Variants in CSMD1 observed in about 807,000 individuals in gnomAD.
The protein encoded by CSMD1 is CUB and sushi domain-containing protein 1.
Under a neutral mutation model 417.5 loss-of-function variants are expected in CSMD1, and 213 were observed. The observed-to-expected ratio is 0.51, with a 90% confidence interval of 0.46 to 0.57. The LOEUF (loss-of-function observed/expected upper bound fraction) is 0.57, where lower values mean the gene tolerates loss of function less well. Among genes scored for constraint, CSMD1 ranks in the 20% least tolerant of loss-of-function variants. The pLI is 0.00. For missense variants in CSMD1, 6,923 were observed against 4,529.7 expected (o/e 1.53, Z -15.17); for synonymous variants, 2,862 against 1,736.8 (o/e 1.65, Z -16.11).
At chr8:3,848,602 T>A (rs1206299883) in intron 5 of CSMD1, among the ~76,000 whole-genome samples, 1 of 152,294 alleles carries the variant, frequency 6.6e-6, no homozygotes, top group African/African-American at 2.4e-5. Flanking sequence ...AACTGCTCAA[T>A]TTCCCTCACT....
chr8:3,052,459 T>TA lies in CSMD1; in HGVS notation c.7660+2dup. On this transcript the variant is annotated splice_region_variant and intron_variant, in intron 50 of 69. Coordinates refer to ENST00000635120, the MANE Select transcript of CSMD1 (RefSeq NM_033225.6). The stretch of plus-strand genomic sequence containing the variant: ...AGATGGGCAGATGCCCCTGAACACT[T>TA]ACGCTTACACGTGGGCGGCTTCCCC... The TA allele has an allele frequency of 6.4e-7, 1 of 1,564,660 alleles. No individual in the cohort carries two copies. Among genetic ancestry groups the TA allele is most frequent in the Admixed American group, 1.9e-5 (1 of 52,392 alleles).
intron 26 of CSMD1, among the ~76,000 whole-genome samples, chr8:3,251,763 T>C (rs915908424): frequency 1.3e-5 from 2 of 152,216 alleles, no homozygotes; most frequent in Non-Finnish European, 2.9e-5. Context: ...GTAGTTCTCC[T>C]TGAAGAGGTC....
intron 23 of CSMD1, among the ~76,000 whole-genome samples, chr8:3,336,290 T>C (rs1313750451): frequency 6.6e-6 from 1 of 152,176 alleles, no homozygotes; most frequent in African/African-American, 2.4e-5. Context: ...CCAAGGCCCC[T>C]GAACCCTGAG....
chr8:3,297,094 T>G (rs1403576750), intron 25 of CSMD1, among the ~76,000 whole-genome samples: 1 of 152,222 alleles, frequency 6.6e-6, no homozygotes, highest in Admixed American at 6.5e-5. Flanking sequence ...GAAAGCATCC[T>G]AGAGCTGGAA....
chr8:4,282,783 G>T (rs552116781), intron 3 of CSMD1, among the ~76,000 whole-genome samples: 3 of 152,226 alleles, frequency 2.0e-5, no homozygotes, highest in African/African-American at 4.8e-5. Context: ...GCTTTTTATA[G>T]TAATTACACT....
At chr8:4,730,847 A>G (rs1809804704) in intron 1 of CSMD1, among the ~76,000 whole-genome samples, 1 of 152,204 alleles carries the variant, frequency 6.6e-6, no homozygotes, top group Non-Finnish European at 1.5e-5. Context: ...ATCTAAAGAA[A>G]TAAGAGCCGT....
intron 23 of CSMD1, among the ~76,000 whole-genome samples, chr8:3,334,394 G>A (rs925916728): frequency 1.3e-5 from 2 of 152,140 alleles, no homozygotes; most frequent in Non-Finnish European, 2.9e-5. Flanking sequence ...TATCGGTCCT[G>A]AGAGTGTATT....
At chr8:4,451,088 G>A (rs140524452) in intron 2 of CSMD1, among the ~76,000 whole-genome samples, 2 of 152,140 alleles carry the variant, frequency 1.3e-5, no homozygotes, top group East Asian at 1.9e-4. Flanking sequence ...CACTTTGGGA[G>A]GCCAAGGCAG....
Position 3,323,948 on chromosome 8 carries a change from AG to A in CSMD1, c.3632-15446del, listed in dbSNP as rs533146608. On this transcript the variant is annotated intron_variant, in intron 23 of 69. Transcript: ENST00000635120. ...ACACATCTAACCCCAGAGACCCAGGAGGGGGAGTTTCCTTCACCCCACCTTT... is the reference window on the plus strand; with the variant it reads ...ACACATCTAACCCCAGAGACCCAGGAGGGGAGTTTCCTTCACCCCACCTTT... Among the ~76,000 whole-genome samples, 22 of 120,262 alleles carry A rather than the reference AG, an allele frequency of 1.8e-4. 1 individual carries two copies. Among genetic ancestry groups the A allele is most frequent in the East Asian group, 7.4e-4 (2 of 2,686 alleles). The allele number at this position is 120,262 out of a possible 152,430, so 78.9% of individuals were successfully genotyped here.
chr8:3,274,003 C>A (rs1040266852), intron 26 of CSMD1, among the ~76,000 whole-genome samples: 4 of 151,258 alleles, frequency 2.6e-5, no homozygotes, highest in Non-Finnish European at 5.9e-5. Flanking sequence ...TTTTCTAGTT[C>A]TTTTAATTGT....
chr8:4,442,612 G>C (rs1185056695), intron 2 of CSMD1, among the ~76,000 whole-genome samples: 1 of 152,284 alleles, frequency 6.6e-6, no homozygotes, highest in East Asian at 1.9e-4. Context: ...TAGAAAAACA[G>C]AAGCAAGCCC....
At chr8:4,694,522 AT>A (rs937348335) in intron 1 of CSMD1, among the ~76,000 whole-genome samples, 3 of 150,956 alleles carry the variant, frequency 2.0e-5, no homozygotes, top group Admixed American at 6.6e-5. Flanking sequence ...TGCCAGGCTA[AT>A]TTTTTTTGGG....
chr8:4,184,809 A>G (rs1798571447), intron 3 of CSMD1, among the ~76,000 whole-genome samples: 1 of 151,964 alleles, frequency 6.6e-6, no homozygotes, highest in Non-Finnish European at 1.5e-5. Context: ...TTACTTATAT[A>G]GGAAACATGC....
At chr8:3,910,872 T>C (rs1024846734) in intron 5 of CSMD1, among the ~76,000 whole-genome samples, 3 of 152,190 alleles carry the variant, frequency 2.0e-5, no homozygotes, top group Non-Finnish European at 4.4e-5. Flanking sequence ...GCAATGAATT[T>C]CAAGAGAACT....
intron 5 of CSMD1, among the ~76,000 whole-genome samples, chr8:3,930,932 C>T (rs1227786897): frequency 6.6e-6 from 1 of 150,404 alleles, no homozygotes; most frequent in African/African-American, 2.5e-5. Flanking sequence ...TCAATTGTTG[C>T]TAGGATTCTT....
intron 4 of CSMD1, among the ~76,000 whole-genome samples, chr8:4,026,928 A>C (rs903501421): frequency 1.9e-5 from 2 of 106,604 alleles, no homozygotes; most frequent in African/African-American, 9.7e-5. Context: ...ACCAAACAAC[A>C]AACAAACAAA....
intron 5 of CSMD1, among the ~76,000 whole-genome samples, chr8:3,758,770 T>A (rs986317027): frequency 6.6e-6 from 1 of 152,172 alleles, no homozygotes; most frequent in Admixed American, 6.6e-5. Flanking sequence ...AGACTGTCAA[T>A]GTGTCACCTG....
chr8:3,943,821 T>G (rs1274874693), intron 5 of CSMD1, among the ~76,000 whole-genome samples: 2 of 151,856 alleles, frequency 1.3e-5, no homozygotes, highest in Non-Finnish European at 2.9e-5. Flanking sequence ...TCTCCAAAAG[T>G]GTAAAGGATA....
intron 46 of CSMD1, among the ~76,000 whole-genome samples, chr8:3,100,783 C>G (rs547609359): frequency 6.6e-6 from 1 of 152,272 alleles, no homozygotes; most frequent in South Asian, 2.1e-4. Context: ...GATTAGTACT[C>G]TAGGATTAAT....
Sources: allele counts gnomAD v4.1 joint callset (sites outside exome capture counted in the v4.1 genomes callset), GRCh38; gene constraint gnomAD v4.1.1; transcripts MANE v1.5; gene names NCBI Gene and HGNC (gene_info 2026-07-23, HGNC 2026-07-21).